Variants in CLIC5 observed in about 807,000 individuals in gnomAD.
The protein encoded by CLIC5 is chloride intracellular channel protein 5.
A neutral mutation model predicts 24.7 loss-of-function variants in CLIC5; 20 were observed. The ratio of observed to expected loss-of-function variants is 0.81; its 90% CI spans 0.57 to 1.18. CLIC5 has a LOEUF of 1.18. Among genes scored for constraint, CLIC5 ranks in the 50% most tolerant of loss-of-function variants. The pLI, the probability that CLIC5 is intolerant of heterozygous loss-of-function variation, is 0.00. For synonymous variants in CLIC5, 159 were observed against 135.6 expected, an observed-to-expected ratio of 1.17 and a Z score of -1.20; for missense variants, 341 against 326.1, an observed-to-expected ratio of 1.05 and a Z score of -0.35.
At chr6:46,028,083 T>C (rs1405483276) in intron 1 of CLIC5, among the ~76,000 whole-genome samples, 1 of 152,192 alleles carries the variant, frequency 6.6e-6, no homozygotes, top group Non-Finnish European at 1.5e-5. Context: ...ACACAAGACT[T>C]AATGCCCTTC....
intron 1 of CLIC5, among the ~76,000 whole-genome samples, chr6:46,020,893 T>C (rs1767158774): frequency 6.6e-6 from 1 of 151,950 alleles, no homozygotes; most frequent in Non-Finnish European, 1.5e-5. Context: ...AATAGTCCTA[T>C]ATTTATTAAA....
chr6:45,995,828 T>G (rs887351689), intron 1 of CLIC5, among the ~76,000 whole-genome samples: 3 of 152,016 alleles, frequency 2.0e-5, no homozygotes, highest in Admixed American at 6.6e-5. Context: ...ACATGGAAGC[T>G]CAAAGCCATT....
chr6:45,999,091 G>T (rs1766256012), intron 1 of CLIC5, among the ~76,000 whole-genome samples: 1 of 152,088 alleles, frequency 6.6e-6, no homozygotes, highest in Admixed American at 6.5e-5. Context: ...AGTCCTTTTG[G>T]AACCTCCCAT....
chr6:45,948,817 A>G (rs1163535734), intron 3 of CLIC5, among the ~76,000 whole-genome samples: 1 of 152,118 alleles, frequency 6.6e-6, no homozygotes, highest in Non-Finnish European at 1.5e-5. Context: ...GTCAGGTTTA[A>G]GACCCTGGAT....
At chr6:46,069,081 A>G (rs1251737251) in intron 1 of CLIC5, among the ~76,000 whole-genome samples, 1 of 152,148 alleles carries the variant, frequency 6.6e-6, no homozygotes, top group Non-Finnish European at 1.5e-5. Context: ...AAAAGCATTG[A>G]AAGAGGGCAA....
intron 6 of CLIC5, chr6:45,883,862 A>G (rs1762282420): frequency 6.6e-6 from 1 of 152,266 alleles, no homozygotes; most frequent in Non-Finnish European, 1.5e-5. Context: ...CATTCTAGGC[A>G]GTGAGAGGAG....
chr6:45,922,764 T>A (rs1008608581), intron 4 of CLIC5, among the ~76,000 whole-genome samples: 10 of 151,776 alleles, frequency 6.6e-5, no homozygotes, highest in Middle Eastern at 3.4e-3. Flanking sequence ...ATCTGTAGCA[T>A]GTAAGCTGCC....
At chr6:45,891,812 G>C (rs1156762956) in intron 6 of CLIC5, among the ~76,000 whole-genome samples, 1 of 152,090 alleles carries the variant, frequency 6.6e-6, no homozygotes, top group African/African-American at 2.4e-5. Flanking sequence ...TGAATTGCAT[G>C]ACTTTTCTTT....
chr6:45,965,417 G>A (rs1049765178), intron 1 of CLIC5, among the ~76,000 whole-genome samples: 3 of 152,204 alleles, frequency 2.0e-5, no homozygotes, highest in African/African-American at 7.2e-5. Flanking sequence ...AAGGGATCAG[G>A]TCCGGGACAG....
intron 4 of CLIC5, among the ~76,000 whole-genome samples, chr6:45,926,655 A>G (rs1340749538): frequency 6.6e-6 from 1 of 152,132 alleles, no homozygotes; most frequent in African/African-American, 2.4e-5. Flanking sequence ...AGCTGAAAAA[A>G]GTCTAGAATT....
intron 1 of CLIC5, among the ~76,000 whole-genome samples, chr6:46,053,420 G>A (rs1283043558): frequency 3.9e-5 from 6 of 152,220 alleles, no homozygotes; most frequent in Non-Finnish European, 5.9e-5. Flanking sequence ...GAATTGAGCC[G>A]TGCCCAGTTA....
chr6:46,063,591 C>T (rs543612462), intron 1 of CLIC5, among the ~76,000 whole-genome samples: 7 of 152,106 alleles, frequency 4.6e-5, no homozygotes, highest in African/African-American at 1.7e-4. Context: ...GCAGAGGAGT[C>T]CCCTTGAATC....
At chr6:45,896,102 G>A (rs879774288), downstream of CLIC5, among the ~76,000 whole-genome samples, 1 of 152,156 alleles carries the variant, frequency 6.6e-6, no homozygotes, top group Non-Finnish European at 1.5e-5. Context: ...TTTATTGCAC[G>A]TGGATGTAGA....
the CLIC5 span, among the ~76,000 whole-genome samples, chr6:46,113,001 A>G: frequency 6.6e-6 from 1 of 152,204 alleles, no homozygotes; most frequent in Non-Finnish European, 1.5e-5. Context: ...GGTTGCAATA[A>G]GCTGAGATGA....
At chr6:45,953,043 G>A (rs759141367) in intron 2 of CLIC5, among the ~76,000 whole-genome samples, 2 of 152,076 alleles carry the variant, frequency 1.3e-5, no homozygotes, top group African/African-American at 2.4e-5. Flanking sequence ...GGGATTGAAG[G>A]TCTCATTTGA....
intron 1 of CLIC5, among the ~76,000 whole-genome samples, chr6:45,987,719 G>T (rs1040426872): frequency 2.0e-5 from 3 of 152,206 alleles, no homozygotes; most frequent in Non-Finnish European, 4.4e-5. Context: ...TCACTTGGTA[G>T]ACAGAGGGAG....
chr6:46,079,580 G>A, intron 1 of CLIC5: 1 of 806,720 alleles, frequency 1.2e-6, no homozygotes, highest in African/African-American at 1.7e-5. Flanking sequence ...TCCGACTCCT[G>A]AATATGTATT....
intron 1 of CLIC5, among the ~76,000 whole-genome samples, chr6:45,990,661 C>A (rs1430157340): frequency 6.6e-6 from 1 of 152,160 alleles, no homozygotes; most frequent in African/African-American, 2.4e-5. Context: ...TATACTGATG[C>A]CAAGTCCAAG....
At chr6:46,119,306 T>C in the CLIC5 span, among the ~76,000 whole-genome samples, 1 of 152,252 alleles carries the variant, frequency 6.6e-6, no homozygotes, top group African/African-American at 2.4e-5. Context: ...AACCTCTGCC[T>C]GATTTAACCT....
Sources: gnomAD v4.1 joint callset for allele counts (sites outside exome capture counted in the v4.1 genomes callset) on GRCh38, gnomAD v4.1.1 for gene constraint, MANE v1.5 for transcripts, NCBI Gene and HGNC (gene_info 2026-07-23, HGNC 2026-07-21) for gene names.